The following EPHB2 variants were observed in gnomAD, a reference collection of about 807,000 sequenced individuals.
The protein encoded by EPHB2 is ephrin type-B receptor 2.
In EPHB2, 18 loss-of-function variants were observed where a neutral mutation model predicts 96.4. The observed-to-expected ratio is 0.19, with a 90% CI of 0.13 to 0.28. EPHB2 has a LOEUF of 0.28. Ranked by LOEUF, EPHB2 falls within the 10% of genes least tolerant of loss-of-function variation. The probability of loss-of-function intolerance (pLI) is 1.00; values close to 1 mark genes in which losing one functional copy is unlikely to be tolerated. For missense variants in EPHB2, 989 were observed against 1,355.4 expected, an observed-to-expected ratio of 0.73 and a Z score of 4.25; for synonymous variants, 506 against 534.1, an observed-to-expected ratio of 0.95 and a Z score of 0.72.
chr1:22,885,605 G>A (rs1639198986), intron 6 of EPHB2, among the ~76,000 whole-genome samples: 1 of 152,260 alleles, frequency 6.6e-6, no homozygotes, highest in South Asian at 2.1e-4. Context: ...GCACGGAGAA[G>A]TTCCATAACT....
intron 3 of EPHB2, among the ~76,000 whole-genome samples, chr1:22,845,535 G>A (rs759427063): frequency 4.2e-4 from 64 of 152,164 alleles, no homozygotes; most frequent in Non-Finnish European, 5.3e-4. Context: ...CAGTTTTCTC[G>A]AGGATTAGTC....
At chr1:22,804,443 G>A (rs1644894808) in intron 3 of EPHB2, among the ~76,000 whole-genome samples, 1 of 152,058 alleles carries the variant, frequency 6.6e-6, no homozygotes, top group Non-Finnish European at 1.5e-5. Context: ...AAATGCAGAG[G>A]GTGTGTGAAG....
chr1:22,806,903 C>T (rs1161506809), intron 3 of EPHB2, among the ~76,000 whole-genome samples: 2 of 152,160 alleles, frequency 1.3e-5, no homozygotes, highest in Non-Finnish European at 2.9e-5. Context: ...TCACCACCCC[C>T]CAGCCCTACT....
chr1:22,793,530 A>G (rs1234075882), intron 3 of EPHB2, among the ~76,000 whole-genome samples: 1 of 152,034 alleles, frequency 6.6e-6, no homozygotes, highest in African/African-American at 2.4e-5. Flanking sequence ...TTCTTTTTAA[A>G]CCCTAGCCTC....
chr1:22,786,340 GT>G (rs1452061338), intron 3 of EPHB2, among the ~76,000 whole-genome samples: 1 of 152,238 alleles, frequency 6.6e-6, no homozygotes, highest in Non-Finnish European at 1.5e-5. Flanking sequence ...TGCAATGGTG[GT>G]GCTGGGGGTA....
intron 13 of EPHB2, 134 bp from the exon 14 acceptor site, chr1:22,910,248 C>A: frequency 8.8e-7 from 1 of 1,131,496 alleles, no homozygotes; most frequent in Non-Finnish European, 1.3e-6. Context: ...GGGCTGCCTC[C>A]AGGAGGTGAA....
At chr1:22,870,128 T>C (rs1268117577) in intron 5 of EPHB2, among the ~76,000 whole-genome samples, 3 of 152,186 alleles carry the variant, frequency 2.0e-5, no homozygotes, top group Non-Finnish European at 4.4e-5. Flanking sequence ...TATAAATATC[T>C]AGCTCATTGC....
chr1:22,738,784 G>A (rs1365806987), intron 1 of EPHB2, among the ~76,000 whole-genome samples: 1 of 152,180 alleles, frequency 6.6e-6, no homozygotes, highest in Non-Finnish European at 1.5e-5. Flanking sequence ...TAGGGGAGGT[G>A]AGACCTTGAG....
chr1:22,757,836 C>T (rs1644174125), intron 1 of EPHB2, among the ~76,000 whole-genome samples: 1 of 147,738 alleles, frequency 6.8e-6, no homozygotes, highest in Non-Finnish European at 1.5e-5. Flanking sequence ...GCACTCCAGC[C>T]TGAGTGACAT....
rs753914148 is a variant in EPHB2, at chr1:22,896,462, C to A, written c.1749C>A (p.His583Gln). Residue 583 changes from histidine (H) to glutamine (Q), a missense_variant, in exon 9 of 16, where the codon CAC becomes CAA. His to Gln is a conservative substitution (Grantham distance 24). Coordinates refer to ENST00000374630, the MANE Select transcript of EPHB2 (RefSeq NM_017449.5). ...ADSEYTDKLQHYTSGHMTPGM... is the reference protein window; with the variant it reads ...ADSEYTDKLQQYTSGHMTPGM... ...CGGAGTACACGGACAAGCTGCAACA[C>A]TACACCAGTGGCCACAGTATGTACA... is the stretch of plus-strand genomic sequence containing the variant. The A allele has an allele frequency of 4.3e-6, 7 of 1,614,064 alleles. No homozygotes were observed. The highest frequency in any genetic ancestry group is 3.3e-5 in the Admixed American group (2 of 60,006).
At chr1:22,910,275 A>G in intron 13 of EPHB2, 107 bp from the exon 14 acceptor site, 1 of 1,458,956 alleles carries the variant, frequency 6.9e-7, no homozygotes. Context: ...TGCCACAGCA[A>G]CTAAATAGGT....
chr1:22,741,421 C>G (rs527814918), intron 1 of EPHB2, among the ~76,000 whole-genome samples: 1 of 152,222 alleles, frequency 6.6e-6, no homozygotes, highest in African/African-American at 2.4e-5. Flanking sequence ...CCCTAGTCTC[C>G]CTCTTATCTA....
At chr1:22,746,037 T>G (rs1405203973) in intron 1 of EPHB2, among the ~76,000 whole-genome samples, 2 of 152,196 alleles carry the variant, frequency 1.3e-5, no homozygotes, top group African/African-American at 2.4e-5. Flanking sequence ...AAATACATAG[T>G]GATCAACTGC....
chr1:22,752,917 A>G (rs975084105), intron 1 of EPHB2, among the ~76,000 whole-genome samples: 4 of 151,246 alleles, frequency 2.6e-5, no homozygotes, highest in African/African-American at 9.7e-5. Context: ...CTGATTAGCT[A>G]GGACTACAGG....
At position 22,857,328 on chromosome 1, in the gene EPHB2, C is replaced by T. The variant is rs183959727; in HGVS notation, c.812-5709C>T. On this transcript the variant is annotated intron_variant, in intron 3 of 15. Transcript: ENST00000374630. ...ATGGAGCATGTCTTGGGTGCTACAG[C>T]GGAGATGTGAGCTGGCGCTGTAGGA... Among the ~76,000 whole-genome samples, 303 of 152,166 alleles carry T rather than the reference C, an allele frequency of 2.0e-3. 2 individuals are homozygous for T. The highest frequency in any genetic ancestry group is 6.1e-3 in the African/African-American group (253 of 41,490).
chr1:22,783,208 C>T (rs1644559430), intron 2 of EPHB2, among the ~76,000 whole-genome samples: 1 of 152,222 alleles, frequency 6.6e-6, no homozygotes, highest in African/African-American at 2.4e-5. Context: ...CACTTCTAGT[C>T]TCTACTCCCT....
intron 12 of EPHB2, among the ~76,000 whole-genome samples, 187 bp downstream of exon 12, chr1:22,908,355 G>T (rs1639983871): frequency 6.6e-6 from 1 of 152,260 alleles, no homozygotes; most frequent in African/African-American, 2.4e-5. Flanking sequence ...GGGAACAAAT[G>T]TGCAGAGCCA....
chr1:22,784,933 G>A lies in EPHB2; in HGVS notation c.668G>A (p.Arg223Gln), dbSNP rs750644441. Reference protein sequence around the residue: ...GAESTSLVAARGSCIANAEEV... With the variant: ...GAESTSLVAAQGSCIANAEEV... ...GAGAGCACATCGCTGGTGGCTGCCC[G>A]GGGCAGCTGCATCGCCAATGCGGAA... Residue 223 changes from arginine to glutamine, a missense_variant, in exon 3 of 16, where the codon CGG becomes CAG. Arg to Gln is a conservative substitution (Grantham distance 43, BLOSUM62 1). Coordinates refer to ENST00000374630, the MANE Select transcript of EPHB2 (RefSeq NM_017449.5). The surrounding 1 kb of genome is among the most constrained non-coding windows in gnomAD (Gnocchi z 5.1). 71 of 1,613,894 alleles carry A rather than the reference G, an allele frequency of 4.4e-5. No individual in the cohort carries two copies. The highest frequency in any genetic ancestry group is 6.6e-5 in the South Asian group (6 of 91,086).
rs1016681281 is a variant in EPHB2 at position 22,920,199 on chromosome 1, G to A, written c.*6629G>A. 2 of 152,256 alleles carry A rather than the reference G, an allele frequency of 1.3e-5. No individual in the cohort carries two copies. The highest frequency in any genetic ancestry group is 4.8e-5 in the African/African-American group (2 of 41,436). The allele number at this position is 152,256 out of a possible 1,614,324, so 9.4% of individuals were successfully genotyped here. On this transcript the variant is annotated 3_prime_UTR_variant, in exon 16 of 16. Transcript: ENST00000374630. ...GGGTAAAAGGGGCTGGCTGTTCCAG[G>A]CTACAGCTGAGTAAAGCCCCACACA...
Sources: gnomAD v4.1 joint callset for allele counts (sites outside exome capture counted in the v4.1 genomes callset) on GRCh38, gnomAD v4.1.1 for gene constraint, Gnocchi (gnomAD v3.1) non-coding constraint, MANE v1.5 for transcripts, NCBI Gene and HGNC (gene_info 2026-07-23, HGNC 2026-07-21) for gene names.